TRAPPC9: variants seen among roughly 807,000 people sequenced by gnomAD.
TRAPPC9 encodes the protein trafficking protein particle complex subunit 9, also known as IKK2 binding protein.
Under a neutral mutation model 124.0 loss-of-function variants are expected in TRAPPC9, and 83 were observed. The ratio of observed to expected loss-of-function variants is 0.67; its 90% CI spans 0.56 to 0.80. The LOEUF (loss-of-function observed/expected upper bound fraction) is 0.80. TRAPPC9 is among the 30% of genes least tolerant of loss of function. The pLI, the probability that TRAPPC9 is intolerant of heterozygous loss-of-function variation, is 0.00. For missense variants in TRAPPC9, 1,302 were observed against 1,508.3 expected, an observed-to-expected ratio of 0.86 and a Z score of 2.27; for synonymous variants, 638 against 617.5, an observed-to-expected ratio of 1.03 and a Z score of -0.49.
chr8:140,270,814 A>G (rs1308825016), intron 15 of TRAPPC9, among the ~76,000 whole-genome samples: 2 of 152,222 alleles, frequency 1.3e-5, no homozygotes, highest in Non-Finnish European at 2.9e-5. Context: ...CCTGACAGCA[A>G]TGCGACTCCA....
At chr8:140,403,864 C>T (rs2069369543) in intron 6 of TRAPPC9, among the ~76,000 whole-genome samples, 2 of 151,906 alleles carry the variant, frequency 1.3e-5, no homozygotes, top group African/African-American at 4.8e-5. Context: ...CACCATGTTG[C>T]CCGGGGTGGT....
chr8:140,368,304 C>T (rs1013960373), intron 8 of TRAPPC9, among the ~76,000 whole-genome samples: 10 of 152,170 alleles, frequency 6.6e-5, no homozygotes, highest in African/African-American at 1.9e-4. Context: ...TTGTGCTGGA[C>T]ACCATTCACA....
chr8:139,979,240 C>T (rs927123566), intron 19 of TRAPPC9, among the ~76,000 whole-genome samples: 8 of 152,136 alleles, frequency 5.3e-5, no homozygotes, highest in South Asian at 2.1e-4. Context: ...GCTTAAGAAC[C>T]GTGTAGGTGG....
At chr8:139,980,065 G>A (rs1019256998) in intron 19 of TRAPPC9, among the ~76,000 whole-genome samples, 3 of 150,990 alleles carry the variant, frequency 2.0e-5, no homozygotes, top group South Asian at 2.1e-4. Context: ...CAGTGACATC[G>A]CACCTCACTT....
chr8:139,968,404 T>C (rs549234762), intron 19 of TRAPPC9, among the ~76,000 whole-genome samples: 49 of 152,258 alleles, frequency 3.2e-4, no homozygotes, highest in Admixed American at 5.9e-4. Context: ...CCTGCCTTCC[T>C]GGGATCTCAG....
chr8:140,081,814 C>T (rs1843837996), intron 17 of TRAPPC9, among the ~76,000 whole-genome samples: 2 of 152,202 alleles, frequency 1.3e-5, no homozygotes, highest in African/African-American at 2.4e-5. Flanking sequence ...ACAAGGCTGC[C>T]TTCCACCCAC....
At chr8:139,881,450 C>T (rs1302732131) in intron 21 of TRAPPC9, among the ~76,000 whole-genome samples, 1 of 152,126 alleles carries the variant, frequency 6.6e-6, no homozygotes, top group African/African-American at 2.4e-5. Context: ...TCCTATCCAC[C>T]CTTTATACCA....
At chr8:140,292,499 C>CA (rs1281000065) in intron 11 of TRAPPC9, among the ~76,000 whole-genome samples, 1 of 152,208 alleles carries the variant, frequency 6.6e-6, no homozygotes, top group Non-Finnish European at 1.5e-5. Context: ...TCAGAGCTTT[C>CA]ATAAGCATGT....
At chr8:140,411,573 T>C (rs28684886) in intron 5 of TRAPPC9, among the ~76,000 whole-genome samples, 1 of 152,142 alleles carries the variant, frequency 6.6e-6, no homozygotes, top group Non-Finnish European at 1.5e-5. Flanking sequence ...AACTCCTGAC[T>C]TCAGGTGATC....
intron 15 of TRAPPC9, among the ~76,000 whole-genome samples, chr8:140,270,871 G>A (rs573987042): frequency 6.6e-6 from 1 of 152,248 alleles, no homozygotes; most frequent in Non-Finnish European, 1.5e-5. Context: ...ATGGGGCAGA[G>A]GCTGGGCCAC....
intron 19 of TRAPPC9, among the ~76,000 whole-genome samples, chr8:139,977,164 TG>T (rs905859393): frequency 2.6e-5 from 4 of 152,092 alleles, no homozygotes; most frequent in Non-Finnish European, 5.9e-5. Context: ...AGGGTTTTTC[TG>T]GGGACGAGAG....
At chr8:140,247,447 G>A (rs2064014263) in intron 16 of TRAPPC9, among the ~76,000 whole-genome samples, 2 of 152,012 alleles carry the variant, frequency 1.3e-5, no homozygotes, top group South Asian at 4.2e-4. Flanking sequence ...TTGCTATCTG[G>A]GTCTAAAAGC....
intron 4 of TRAPPC9, among the ~76,000 whole-genome samples, chr8:140,427,116 T>C (rs2070453068): frequency 6.6e-6 from 1 of 151,384 alleles, no homozygotes; most frequent in South Asian, 2.1e-4. Flanking sequence ...TTTGTATTTT[T>C]AGTAGAGACG....
In TRAPPC9 at chr8:140,216,686, C is replaced by A. The variant is rs1286201913; in HGVS notation, c.2556+4773G>T. ...CAGCAGCATGCCATACACACACAGA[C>A]TTCAGGGGCCTCTGCACCTGCCAGC... On this transcript the variant is annotated intron_variant, in intron 17 of 22. Coordinates refer to ENST00000438773, the MANE Select transcript of TRAPPC9 (RefSeq NM_001160372.4). The surrounding 1 kb of genome is among the most constrained non-coding windows in gnomAD (Gnocchi z 4.1). Among the ~76,000 whole-genome samples the A allele has an allele frequency of 6.6e-6, 1 of 152,208 alleles. No homozygotes were observed. The highest frequency in any genetic ancestry group is 2.4e-5 in the African/African-American group (1 of 41,454).
At chr8:139,958,228 C>T (rs1431607936) in intron 19 of TRAPPC9, among the ~76,000 whole-genome samples, 10 of 152,214 alleles carry the variant, frequency 6.6e-5, no homozygotes, top group African/African-American at 9.6e-5. Flanking sequence ...CCAGTCCCCA[C>T]GGCTCCCTTC....
At chr8:140,385,321 G>C (rs1474445484) in intron 7 of TRAPPC9, among the ~76,000 whole-genome samples, 5 of 152,160 alleles carry the variant, frequency 3.3e-5, no homozygotes, top group Admixed American at 3.3e-4. Context: ...ACTAAGATCA[G>C]AGCAGAACTG....
intron 17 of TRAPPC9, among the ~76,000 whole-genome samples, chr8:140,024,603 G>T (rs1027541776): frequency 1.1e-4 from 16 of 151,980 alleles, no homozygotes; most frequent in African/African-American, 3.9e-4. Flanking sequence ...CACCATGTTG[G>T]CCAGGCTGTT....
chr8:140,085,033 T>C (rs975487639), intron 17 of TRAPPC9, among the ~76,000 whole-genome samples: 1 of 152,204 alleles, frequency 6.6e-6, no homozygotes, highest in African/African-American at 2.4e-5. Flanking sequence ...CTGTGTGATC[T>C]ATAGCCAATC....
rs1003970540 is a variant in TRAPPC9 at position 139,888,623 on chromosome 8, G to A, written c.2965-2654C>T. Reference sequence around the variant, plus strand: ...ACTCCCTTGGGGGTCTTACTCTCGCGCAAGCAATTTATCAAAGTGTTTCCT... The same window carrying A: ...ACTCCCTTGGGGGTCTTACTCTCGCACAAGCAATTTATCAAAGTGTTTCCT... On this transcript the variant is annotated intron_variant, in intron 20 of 22. Coordinates refer to ENST00000438773, the MANE Select transcript of TRAPPC9 (RefSeq NM_001160372.4). Among the ~76,000 whole-genome samples, 14 of 152,088 alleles carry A rather than the reference G, an allele frequency of 9.2e-5. No homozygotes were observed. The East Asian group carries it at 1.5e-3, about 17-fold the overall frequency.
Sources: allele counts gnomAD v4.1 joint callset (sites outside exome capture counted in the v4.1 genomes callset), GRCh38; gene constraint gnomAD v4.1.1; non-coding constraint Gnocchi (gnomAD v3.1); transcripts MANE v1.5; gene names NCBI Gene and HGNC (gene_info 2026-07-23, HGNC 2026-07-21).